CDH13: variants seen among roughly 807,000 people sequenced by gnomAD.
The protein encoded by CDH13 is cadherin 13.
A neutral mutation model predicts 63.8 loss-of-function variants in CDH13; 24 were observed. The ratio of observed to expected loss-of-function variants is 0.38; its 90% confidence interval spans 0.27 to 0.53. The LOEUF is 0.53. Among genes scored for constraint, CDH13 ranks in the 20% least tolerant of loss-of-function variants. The probability of loss-of-function intolerance (pLI) is 0.85; values close to 1 mark genes in which losing one functional copy is unlikely to be tolerated. For missense variants in CDH13, 1,049 were observed against 903.1 expected, an observed-to-expected ratio of 1.16 and a Z score of -2.07; for synonymous variants, 503 against 355.3, an observed-to-expected ratio of 1.42 and a Z score of -4.67.
chr16:82,698,542 C>T (rs577994740), intron 1 of CDH13, among the ~76,000 whole-genome samples: 6 of 152,178 alleles, frequency 3.9e-5, no homozygotes, highest in Non-Finnish European at 8.8e-5. Context: ...GGGCTTTGCT[C>T]CGTGACTTTC....
chr16:83,550,614 G>C (rs940508664), intron 7 of CDH13, among the ~76,000 whole-genome samples: 6 of 152,196 alleles, frequency 3.9e-5, no homozygotes, highest in Non-Finnish European at 8.8e-5. Flanking sequence ...ACATGAGGAG[G>C]GGGAAAGATA....
At chr16:82,957,848 T>C (rs1567694178) in intron 2 of CDH13, among the ~76,000 whole-genome samples, 1 of 152,266 alleles carries the variant, frequency 6.6e-6, no homozygotes, top group Non-Finnish European at 1.5e-5. Context: ...TTAAACTTTT[T>C]CTGCTATGAC....
At chr16:83,511,972 A>G (rs566791584) in intron 7 of CDH13, among the ~76,000 whole-genome samples, 11 of 152,248 alleles carry the variant, frequency 7.2e-5, no homozygotes, top group African/African-American at 2.6e-4. Context: ...GTTCCAGCAC[A>G]TGGTTAGTCC....
chr16:82,822,522 G>C (rs1450141868), intron 1 of CDH13, among the ~76,000 whole-genome samples: 1 of 151,856 alleles, frequency 6.6e-6, no homozygotes, highest in East Asian at 1.9e-4. Flanking sequence ...GTATAAACAG[G>C]GTCTCATTCT....
intron 2 of CDH13, among the ~76,000 whole-genome samples, chr16:82,998,150 C>G (rs1912456513): frequency 6.6e-6 from 1 of 152,162 alleles, no homozygotes; most frequent in Non-Finnish European, 1.5e-5. Context: ...TCTCTTGATC[C>G]TGGAACTTTT....
intron 1 of CDH13, among the ~76,000 whole-genome samples, chr16:82,814,121 T>C (rs1416584144): frequency 6.6e-6 from 1 of 152,124 alleles, no homozygotes; most frequent in Non-Finnish European, 1.5e-5. Context: ...TATTGTGATA[T>C]AATAATAAAT....
intron 1 of CDH13, among the ~76,000 whole-genome samples, chr16:82,853,779 G>A (rs2039584632): frequency 6.6e-6 from 1 of 152,174 alleles, no homozygotes. Flanking sequence ...ATGCATAAAT[G>A]GACAAACATG....
At chr16:83,056,847 C>T (rs1460344533) in intron 3 of CDH13, among the ~76,000 whole-genome samples, 2 of 152,190 alleles carry the variant, frequency 1.3e-5, no homozygotes, top group Admixed American at 6.5e-5. Flanking sequence ...CCTACACACG[C>T]TCTCTTGCCT....
chr16:83,672,694 G>T (rs1247754531), intron 9 of CDH13, among the ~76,000 whole-genome samples: 1 of 151,928 alleles, frequency 6.6e-6, no homozygotes, highest in Non-Finnish European at 1.5e-5. Flanking sequence ...CAAAGTGCTG[G>T]GATTACAGAT....
intron 5 of CDH13, among the ~76,000 whole-genome samples, chr16:83,227,632 C>T (rs926906848): frequency 4.6e-5 from 7 of 152,146 alleles, no homozygotes; most frequent in Admixed American, 1.3e-4. Flanking sequence ...ATATGAAATA[C>T]GGATAACCTG....
At chr16:82,858,723 G>A in intron 2 of CDH13, 1 of 590,164 alleles carries the variant, frequency 1.7e-6, no homozygotes, top group Non-Finnish European at 3.0e-6. Context: ...TGTCAGAAAA[G>A]GGGGCTGTCA....
At chr16:83,539,142 G>C (rs1301451092) in intron 7 of CDH13, among the ~76,000 whole-genome samples, 1 of 152,054 alleles carries the variant, frequency 6.6e-6, no homozygotes, top group Non-Finnish European at 1.5e-5. Context: ...ACCTTTCTTG[G>C]CACCAGGGAC....
intron 3 of CDH13, among the ~76,000 whole-genome samples, chr16:83,118,687 T>A (rs146012458): frequency 3.9e-4 from 60 of 152,316 alleles, no homozygotes; most frequent in African/African-American, 1.1e-3. Flanking sequence ...CACTTTCACA[T>A]GCAGCTTCTC....
At chr16:82,627,454 C>T (rs910953887) in intron 1 of CDH13, among the ~76,000 whole-genome samples, 7 of 151,846 alleles carry the variant, frequency 4.6e-5, no homozygotes, top group Non-Finnish European at 1.0e-4. Context: ...TCGCCCACAT[C>T]AAGTGGGGTA....
chr16:83,048,176 C>A (rs991508506), intron 3 of CDH13, among the ~76,000 whole-genome samples: 3 of 152,074 alleles, frequency 2.0e-5, no homozygotes, highest in Non-Finnish European at 2.9e-5. Flanking sequence ...GTGATGGAGA[C>A]CAAGATATGA....
intron 2 of CDH13, among the ~76,000 whole-genome samples, chr16:83,023,297 A>G (rs1915509484): frequency 6.8e-6 from 1 of 146,858 alleles, no homozygotes; most frequent in African/African-American, 2.5e-5. Context: ...GGGTGTTTTC[A>G]CTACCCCCCG....
chr16:82,709,426 A>G (rs1008697667), intron 1 of CDH13, among the ~76,000 whole-genome samples: 4 of 152,136 alleles, frequency 2.6e-5, no homozygotes, highest in African/African-American at 9.7e-5. Context: ...AGACAAATTT[A>G]ATGGTTCCAA....
intron 1 of CDH13, among the ~76,000 whole-genome samples, chr16:82,694,354 AT>A (rs949962996): frequency 3.3e-5 from 5 of 152,098 alleles, no homozygotes; most frequent in South Asian, 4.1e-4. Context: ...CCACCCCAAC[AT>A]TTTTTTATGG....
chr16:83,723,319 G>A (rs556760349), intron 10 of CDH13, among the ~76,000 whole-genome samples: 1 of 152,312 alleles, frequency 6.6e-6, no homozygotes, highest in South Asian at 2.1e-4. Context: ...GTAAAAGCTT[G>A]GAAGGTTAGC....
Sources: allele counts gnomAD v4.1 joint callset (sites outside exome capture counted in the v4.1 genomes callset), GRCh38; gene constraint gnomAD v4.1.1; transcripts MANE v1.5; gene names NCBI Gene and HGNC (gene_info 2026-07-23, HGNC 2026-07-21).